The following WDR25 variants were observed in gnomAD, a reference collection of about 807,000 sequenced individuals.
WDR25 encodes WD repeat domain 25, also known as WD repeat-containing protein 25.
Under a neutral mutation model 47.7 loss-of-function variants are expected in WDR25, and 35 were observed. The observed-to-expected ratio is 0.73, with a 90% CI of 0.56 to 0.97. The LOEUF (loss-of-function observed/expected upper bound fraction) is 0.97, where lower values mean the gene tolerates loss of function less well. WDR25 is among the 50% of genes least tolerant of loss of function. The pLI, the probability that WDR25 is intolerant of heterozygous loss-of-function variation, is 0.00. For missense variants in WDR25, 634 were observed against 704.7 expected, an observed-to-expected ratio of 0.90 and a Z score of 1.14; for synonymous variants, 248 against 278.9, an observed-to-expected ratio of 0.89 and a Z score of 1.10.
intron 2 of WDR25, among the ~76,000 whole-genome samples, chr14:100,390,960 C>T (rs533315936): frequency 1.3e-5 from 2 of 152,340 alleles, no homozygotes; most frequent in Admixed American, 1.3e-4. Context: ...TCTAAACAAG[C>T]ATTTGTTATC....
chr14:100,487,899 T>G (rs1900437803), intron 4 of WDR25: 1 of 152,242 alleles, frequency 6.6e-6, no homozygotes, highest in Admixed American at 6.5e-5. Flanking sequence ...GGAGTAGGTT[T>G]CTGCCAACAG....
At chr14:100,517,804 A>G (rs1037019809) in intron 4 of WDR25, among the ~76,000 whole-genome samples, 1 of 152,236 alleles carries the variant, frequency 6.6e-6, no homozygotes, top group African/African-American at 2.4e-5. Context: ...AGGTTGCACC[A>G]CTGCACTGCA....
chr14:100,476,213 G>A (rs553183322), intron 3 of WDR25, among the ~76,000 whole-genome samples: 2 of 152,246 alleles, frequency 1.3e-5, no homozygotes, highest in Admixed American at 6.5e-5. Flanking sequence ...GATGGGGAAT[G>A]TTCAGATGCA....
At chr14:100,474,612 C>T (rs1002806294) in intron 3 of WDR25, among the ~76,000 whole-genome samples, 1 of 152,170 alleles carries the variant, frequency 6.6e-6, no homozygotes, top group African/African-American at 2.4e-5. Flanking sequence ...AGAAAACCAA[C>T]TTACTAGTAA....
chr14:100,421,264 C>G (rs952746164), intron 2 of WDR25, among the ~76,000 whole-genome samples: 1 of 152,194 alleles, frequency 6.6e-6, no homozygotes, highest in South Asian at 2.1e-4. Context: ...CCTTTGCTCT[C>G]TCCTTGATTC....
chr14:100,403,349 A>G (rs1897436730), intron 2 of WDR25, among the ~76,000 whole-genome samples: 2 of 152,310 alleles, frequency 1.3e-5, no homozygotes, highest in South Asian at 4.1e-4. Context: ...CTTTCCAACC[A>G]AAGCACATAT....
chr14:100,426,555 G>A (rs1898174587), intron 2 of WDR25, among the ~76,000 whole-genome samples: 1 of 152,192 alleles, frequency 6.6e-6, no homozygotes, highest in Non-Finnish European at 1.5e-5. Context: ...AGTGTTCTCC[G>A]CGTATTTTGC....
At chr14:100,401,156 C>T (rs772723876) in intron 2 of WDR25, among the ~76,000 whole-genome samples, 2 of 152,182 alleles carry the variant, frequency 1.3e-5, no homozygotes, top group Admixed American at 6.5e-5. Flanking sequence ...TTCCTCTGGG[C>T]CTCCGGGGCG....
In WDR25 at chr14:100,529,814, C is replaced by G; in HGVS notation, c.1414-6C>G. ...GCTTGCTCACCCACTGTGTCCCTCT[C>G]TGCAGGTGGAGGGCTACTCAGTGGG... On this transcript the variant is annotated splice_polypyrimidine_tract_variant and splice_region_variant and intron_variant, in intron 6 of 6. Coordinates refer to ENST00000402312, the MANE Select transcript of WDR25 (RefSeq NM_001161476.3). The surrounding 1 kb of genome is among the most constrained non-coding windows in gnomAD (Gnocchi z 5.1). 6 of 1,610,738 alleles carry G rather than the reference C, an allele frequency of 3.7e-6. No individual in the cohort carries two copies. Among genetic ancestry groups the G allele is most frequent in the Non-Finnish European group, 5.1e-6 (6 of 1,179,446 alleles).
Position 100,529,427 on chromosome 14 carries a change from G to A in WDR25, c.1413+219G>A, listed in dbSNP as rs1431326142. ...CCCACGTACTGGGCAGGAAGCAGTAGTTGGCTCACACAGACAGGTCTCAGA... is the reference window on the plus strand; with the variant it reads ...CCCACGTACTGGGCAGGAAGCAGTAATTGGCTCACACAGACAGGTCTCAGA... On this transcript the variant is annotated intron_variant, in intron 6 of 6. Transcript: ENST00000402312. This position sits in a 1 kb window ranked among gnomAD's most constrained non-coding sequence, Gnocchi z 5.1. 8 of 686,062 alleles carry A rather than the reference G, an allele frequency of 1.2e-5. No individual in the cohort carries two copies. Among genetic ancestry groups the A allele is most frequent in the Non-Finnish European group, 1.9e-5 (8 of 415,640 alleles). The allele number at this position is 686,062 out of a possible 1,614,324, so 42.5% of individuals were successfully genotyped here. A position where few individuals can be genotyped will look rare whatever the true frequency, so the allele number is the denominator to read the frequency against.
At chr14:100,504,395 A>G (rs2140353547) in intron 4 of WDR25, 1 of 152,176 alleles carries the variant, frequency 6.6e-6, no homozygotes, top group Admixed American at 6.5e-5. Context: ...TAAATCAGTT[A>G]TTTTTCCTGT....
At chr14:100,406,518 G>A (rs1897543363) in intron 2 of WDR25, 1 of 152,224 alleles carries the variant, frequency 6.6e-6, no homozygotes, top group Non-Finnish European at 1.5e-5. Context: ...GAATTGAGTG[G>A]GGAATGCCCT....
intron 3 of WDR25, among the ~76,000 whole-genome samples, chr14:100,472,600 C>G (rs112065772): frequency 0.015 from 2,238 of 152,324 alleles, 57 homozygotes; most frequent in African/African-American, 0.051. Context: ...GCCATTTCCC[C>G]ACATGGGGCC....
At chr14:100,520,547 G>T (rs1474317852) in intron 4 of WDR25, among the ~76,000 whole-genome samples, 2 of 152,200 alleles carry the variant, frequency 1.3e-5, no homozygotes, top group African/African-American at 4.8e-5. Flanking sequence ...GTAAATGTCA[G>T]CTGCTTTTGA....
At chr14:100,402,678 C>G (rs2140173999) in intron 2 of WDR25, among the ~76,000 whole-genome samples, 1 of 152,302 alleles carries the variant, frequency 6.6e-6, no homozygotes, top group South Asian at 2.1e-4. Context: ...GATCTCCAAA[C>G]TAACTGTAGC....
intron 2 of WDR25, among the ~76,000 whole-genome samples, chr14:100,429,969 G>A (rs1022855818): frequency 6.6e-6 from 1 of 152,218 alleles, no homozygotes; most frequent in Non-Finnish European, 1.5e-5. Flanking sequence ...AGCCACCTGG[G>A]GAGTTAGGGC....
rs575706386 is a variant in WDR25, at chr14:100,433,670, C to G, written c.823-34351C>G. On this transcript the variant is annotated intron_variant, in intron 2 of 6. Coordinates refer to ENST00000402312, the MANE Select transcript of WDR25 (RefSeq NM_001161476.3). ...AGAAAGAAGAGTTTTCATTCCCCCC[C>G]CATTAGTCTGTTTATTTTGTATCCA... 1.2e-4 allele frequency among the ~76,000 whole-genome samples: 18 copies of G among 152,240 alleles called. No individual in the cohort carries two copies. In the South Asian group the frequency reaches 1.5e-3, roughly 12 times the overall value.
At chr14:100,524,661 C>T (rs577852400) in intron 4 of WDR25, among the ~76,000 whole-genome samples, 2 of 152,206 alleles carry the variant, frequency 1.3e-5, no homozygotes, top group South Asian at 2.1e-4. Flanking sequence ...GCCTACCCTC[C>T]CCCAGGAATT....
intron 5 of WDR25, among the ~76,000 whole-genome samples, chr14:100,528,520 C>G (rs2030303262): frequency 6.6e-6 from 1 of 151,840 alleles, no homozygotes; most frequent in Non-Finnish European, 1.5e-5. Flanking sequence ...ATCCGCCCGC[C>G]TCAGCATCCC....
Sources: gnomAD v4.1 joint callset for allele counts (sites outside exome capture counted in the v4.1 genomes callset) on GRCh38, gnomAD v4.1.1 for gene constraint, Gnocchi (gnomAD v3.1) non-coding constraint, MANE v1.5 for transcripts, NCBI Gene and HGNC (gene_info 2026-07-23, HGNC 2026-07-21) for gene names.